Variants in ARFGEF1 observed in about 807,000 individuals in gnomAD.
ARFGEF1 encodes the protein ARF guanine nucleotide exchange factor 1.
Under a neutral mutation model 231.0 loss-of-function variants are expected in ARFGEF1, and 42 were observed. The ratio of observed to expected loss-of-function variants is 0.18; its 90% CI spans 0.14 to 0.24. The LOEUF is 0.24. Ranked by LOEUF, ARFGEF1 falls within the 10% of genes least tolerant of loss-of-function variation. ARFGEF1 has a pLI of 1.00. For missense variants in ARFGEF1, 1,345 were observed against 2,192.0 expected (o/e 0.61, Z 7.72); for synonymous variants, 710 against 732.3 (o/e 0.97, Z 0.49).
chr8:67,231,147 G>A (rs73693151), intron 23 of ARFGEF1, among the ~76,000 whole-genome samples: 12,623 of 152,020 alleles, frequency 0.083, 1,057 homozygotes, highest in African/African-American at 0.22. Context: ...GACTACCACT[G>A]AGTTGGGTAA....
intron 22 of ARFGEF1, 21 bp from the exon 23 acceptor site, chr8:67,232,966 T>C: frequency 5.7e-6 from 9 of 1,567,746 alleles, no homozygotes; most frequent in Non-Finnish European, 7.9e-6. Context: ...TAAAAAAAAG[T>C]CATTTCAGTT....
chr8:67,283,541 A>G (rs1805624427), intron 7 of ARFGEF1, among the ~76,000 whole-genome samples: 1 of 152,162 alleles, frequency 6.6e-6, no homozygotes, highest in African/African-American at 2.4e-5. Context: ...AATTATGTAC[A>G]GCAAAACACA....
At chr8:67,289,176 A>C (rs896191721) in intron 6 of ARFGEF1, among the ~76,000 whole-genome samples, 2 of 152,050 alleles carry the variant, frequency 1.3e-5, no homozygotes, top group Non-Finnish European at 2.9e-5. Context: ...GTCTTGAGCT[A>C]CCGTTCTACA....
downstream of ARFGEF1, chr8:67,195,771 TG>T: frequency 5.1e-6 from 3 of 592,524 alleles, no homozygotes; most frequent in Non-Finnish European, 9.1e-6. Context: ...CCATGATTAT[TG>T]ATTTATATAA....
chr8:67,196,353 G>A (rs1017708747), downstream of ARFGEF1: 4 of 152,146 alleles, frequency 2.6e-5, no homozygotes, highest in African/African-American at 4.8e-5. Context: ...AGAGAGACTG[G>A]AGTCTTCTTC....
intron 1 of ARFGEF1, among the ~76,000 whole-genome samples, chr8:67,337,040 A>G (rs1446333775): frequency 6.8e-6 from 1 of 147,960 alleles, no homozygotes; most frequent in Non-Finnish European, 1.5e-5. Flanking sequence ...GAGGCAGGAG[A>G]ATGGCGTGAA....
At chr8:67,279,982 C>T (rs1805468529) in intron 7 of ARFGEF1, among the ~76,000 whole-genome samples, 1 of 151,722 alleles carries the variant, frequency 6.6e-6, no homozygotes, top group Admixed American at 6.6e-5. Context: ...ACAAATCCCA[C>T]TGAAATTACA....
chr8:67,173,679 G>GTTAT (rs1444392409), downstream of ARFGEF1: 2 of 152,064 alleles, frequency 1.3e-5, no homozygotes, highest in East Asian at 3.8e-4. Flanking sequence ...GATAAATTGT[G>GTTAT]TTATTTATTT....
chr8:67,248,220 C>T (rs1248551064), intron 19 of ARFGEF1, among the ~76,000 whole-genome samples: 3 of 150,202 alleles, frequency 2.0e-5, no homozygotes, highest in African/African-American at 5.0e-5. Flanking sequence ...GAAGAAATCA[C>T]ATTACCTGCC....
intron 1 of ARFGEF1, among the ~76,000 whole-genome samples, chr8:67,331,207 C>T (rs1208768340): frequency 2.0e-5 from 3 of 152,042 alleles, no homozygotes; most frequent in East Asian, 1.9e-4. Context: ...AAACACCCAT[C>T]GATTCAGAGA....
intron 19 of ARFGEF1, among the ~76,000 whole-genome samples, chr8:67,244,229 C>T (rs1214300364): frequency 6.3e-5 from 7 of 110,260 alleles, no homozygotes; most frequent in African/African-American, 1.1e-4. Context: ...GGCGACAAAG[C>T]GAGACTCCAC....
At chr8:67,312,346 A>G (rs1168959815) in intron 1 of ARFGEF1, among the ~76,000 whole-genome samples, 10 of 152,160 alleles carry the variant, frequency 6.6e-5, no homozygotes, top group Non-Finnish European at 1.5e-4. Context: ...ATATCGATAG[A>G]AGAAAAATGA....
intron 7 of ARFGEF1, among the ~76,000 whole-genome samples, chr8:67,287,044 A>T (rs986512359): frequency 6.6e-6 from 1 of 152,204 alleles, no homozygotes; most frequent in Non-Finnish European, 1.5e-5. Context: ...CCTGTGCAGG[A>T]AAGAGGTAAC....
chr8:67,301,644 T>A (rs16933249), intron 2 of ARFGEF1, among the ~76,000 whole-genome samples: 1 of 152,176 alleles, frequency 6.6e-6, no homozygotes, highest in African/African-American at 2.4e-5. Context: ...AAAATTCAAG[T>A]TGCTTCTATT....
chr8:67,302,619 A>G (rs1265852262), intron 1 of ARFGEF1, among the ~76,000 whole-genome samples, 153 bp from the exon 2 acceptor site: 1 of 152,210 alleles, frequency 6.6e-6, no homozygotes, highest in Admixed American at 6.5e-5. Flanking sequence ...TGTTTCATCT[A>G]AATTTTTTAA....
At chr8:67,266,426 T>C (rs562073599) in intron 13 of ARFGEF1, among the ~76,000 whole-genome samples, 24 of 152,302 alleles carry the variant, frequency 1.6e-4, no homozygotes, top group Non-Finnish European at 2.8e-4. Context: ...GGAGTTCTTT[T>C]TGCAGTTGCA....
chr8:67,284,374 G>A (rs1271752163), intron 7 of ARFGEF1, among the ~76,000 whole-genome samples: 1 of 152,066 alleles, frequency 6.6e-6, no homozygotes, highest in African/African-American at 2.4e-5. Context: ...ACCTATAGAA[G>A]GAGGATCAGA....
intron 34 of ARFGEF1, among the ~76,000 whole-genome samples, chr8:67,205,256 T>C (rs73256690): frequency 8.5e-5 from 13 of 152,276 alleles, no homozygotes; most frequent in Middle Eastern, 3.4e-3. Flanking sequence ...CTTTGGGCAA[T>C]TGTCTGCCTC....
intron 17 of ARFGEF1, among the ~76,000 whole-genome samples, chr8:67,256,867 T>C (rs780862809): frequency 2.6e-5 from 4 of 152,200 alleles, no homozygotes; most frequent in Non-Finnish European, 5.9e-5. Context: ...TATGCTGGTA[T>C]GGTTATGTTT....
Sources: allele counts gnomAD v4.1 joint callset (sites outside exome capture counted in the v4.1 genomes callset), GRCh38; gene constraint gnomAD v4.1.1; transcripts MANE v1.5; gene names NCBI Gene and HGNC (gene_info 2026-07-23, HGNC 2026-07-21).